MGAT4C: variants seen among roughly 807,000 people sequenced by gnomAD.
MGAT4C encodes alpha-1,3-mannosyl-glycoprotein 4-beta-N-acetylglucosaminyltransferase C.
MGAT4C carries 19 observed loss-of-function variants against 40.1 expected under a neutral mutation model. That is an observed-to-expected ratio of 0.47 (90% CI 0.33 to 0.70). The LOEUF is 0.70. MGAT4C is among the 30% of genes least tolerant of loss of function. The pLI, the probability that MGAT4C is intolerant of heterozygous loss-of-function variation, is 0.02. For synonymous variants in MGAT4C, 181 were observed against 187.1 expected (o/e 0.97, Z 0.27); for missense variants, 491 against 563.2 (o/e 0.87, Z 1.30).
chr12:86,731,594 C>T (rs1250529002), intron 1 of MGAT4C, among the ~76,000 whole-genome samples: 1 of 151,626 alleles, frequency 6.6e-6, no homozygotes, highest in Non-Finnish European at 1.5e-5. Context: ...TTATGTTATT[C>T]TGTTCCCATA....
intron 2 of MGAT4C, among the ~76,000 whole-genome samples, chr12:86,642,077 A>G: frequency 6.6e-6 from 1 of 151,758 alleles, no homozygotes; most frequent in African/African-American, 2.4e-5. Context: ...ACAAATAGAA[A>G]GAGAGTGTGT....
chr12:86,442,456 T>C (rs1478161276), intron 2 of MGAT4C, among the ~76,000 whole-genome samples: 4 of 152,222 alleles, frequency 2.6e-5, no homozygotes, highest in African/African-American at 9.7e-5. Context: ...TAAGTTTTTT[T>C]CTAGGGTTTT....
Position 85,970,278 on chromosome 12 carries a change from T to C in MGAT4C, c.*9011A>G, listed in dbSNP as rs967286990. On this transcript the variant is annotated 3_prime_UTR_variant, in exon 5 of 5. Coordinates refer to ENST00000611864, the MANE Select transcript of MGAT4C (RefSeq NM_001351288.2). Reference sequence around the variant, plus strand: ...TATAAATAATATTGAATTATTTATATTCTTATTTAGTCTAGTAGATTGACA... The same window carrying C: ...TATAAATAATATTGAATTATTTATACTCTTATTTAGTCTAGTAGATTGACA... 25 of 151,362 alleles carry C rather than the reference T, an allele frequency of 1.7e-4. No individual in the cohort carries two copies. Among genetic ancestry groups the C allele is most frequent in the African/African-American group, 6.0e-4 (25 of 41,380 alleles). 9.4% of individuals were successfully genotyped at this position (151,362 alleles called of 1,614,324 possible).
At chr12:86,599,442 C>T (rs1961676892) in intron 2 of MGAT4C, 1 of 152,100 alleles carries the variant, frequency 6.6e-6, no homozygotes, top group Admixed American at 6.6e-5. Flanking sequence ...CAAGATAACA[C>T]AACCCAAATA....
chr12:86,081,092 T>C (rs893054236), intron 1 of MGAT4C, among the ~76,000 whole-genome samples: 2 of 152,144 alleles, frequency 1.3e-5, no homozygotes, highest in African/African-American at 4.8e-5. Context: ...CCAGAGGAAG[T>C]ATGCATTTTA....
At chr12:86,697,081 G>T (rs951611654) in intron 2 of MGAT4C, among the ~76,000 whole-genome samples, 11 of 152,004 alleles carry the variant, frequency 7.2e-5, no homozygotes, top group African/African-American at 2.7e-4. Flanking sequence ...ATCTGATAAG[G>T]AATATTTCCT....
chr12:86,375,255 TG>T (rs955400940), intron 3 of MGAT4C, among the ~76,000 whole-genome samples: 1 of 152,182 alleles, frequency 6.6e-6, no homozygotes, highest in Admixed American at 6.6e-5. Flanking sequence ...CTCAAGGTTT[TG>T]TATTTACCAC....
At chr12:86,726,572 A>C (rs769277774) in intron 2 of MGAT4C, among the ~76,000 whole-genome samples, 1 of 152,180 alleles carries the variant, frequency 6.6e-6, no homozygotes, top group Non-Finnish European at 1.5e-5. Flanking sequence ...CATACGTTCT[A>C]GTAACACAAC....
At chr12:86,283,489 C>T (rs1197555448) in intron 4 of MGAT4C, among the ~76,000 whole-genome samples, 1 of 151,788 alleles carries the variant, frequency 6.6e-6, no homozygotes, top group Non-Finnish European at 1.5e-5. Context: ...TAAGACAGGA[C>T]ATAAGAGAAG....
At chr12:86,292,492 G>C (rs149086974) in intron 4 of MGAT4C, among the ~76,000 whole-genome samples, 4 of 151,482 alleles carry the variant, frequency 2.6e-5, no homozygotes, top group African/African-American at 9.7e-5. Flanking sequence ...GGAAAACACT[G>C]ATTTTCAGCA....
intron 2 of MGAT4C, among the ~76,000 whole-genome samples, chr12:86,587,031 C>A (rs1405770119): frequency 1.3e-5 from 2 of 151,984 alleles, no homozygotes; most frequent in African/African-American, 4.8e-5. Flanking sequence ...CTTGTCCATG[C>A]CTATGTCCTG....
chr12:86,205,215 T>C (rs915437497), intron 1 of MGAT4C, among the ~76,000 whole-genome samples: 5 of 151,878 alleles, frequency 3.3e-5, no homozygotes, highest in Admixed American at 6.6e-5. Context: ...TTATGAAATC[T>C]TGAGATAGTA....
At chr12:86,290,002 G>A (rs1328987775) in intron 4 of MGAT4C, among the ~76,000 whole-genome samples, 1 of 151,670 alleles carries the variant, frequency 6.6e-6, no homozygotes, top group Non-Finnish European at 1.5e-5. Context: ...AGGTCATACT[G>A]AAAAGACAAT....
At chr12:86,055,632 CA>C (rs925766155) in intron 1 of MGAT4C, among the ~76,000 whole-genome samples, 1 of 151,838 alleles carries the variant, frequency 6.6e-6, no homozygotes, top group African/African-American at 2.4e-5. Flanking sequence ...ATGTGATTTC[CA>C]TGTATGCAAA....
At chr12:86,618,193 G>A (rs1962518324) in intron 2 of MGAT4C, among the ~76,000 whole-genome samples, 1 of 147,506 alleles carries the variant, frequency 6.8e-6, no homozygotes, top group African/African-American at 2.7e-5. Context: ...TGGTGGCAAA[G>A]ATGAAAAGAA....
chr12:86,250,329 CTGAGAGAGAG>C (rs1276719566), intron 1 of MGAT4C, among the ~76,000 whole-genome samples: 17 of 75,222 alleles, frequency 2.3e-4, no homozygotes, highest in African/African-American at 8.7e-4. Context: ...CACACACACA[CTGAGAGAGAG>C]AGAGAGAGAG....
intron 3 of MGAT4C, among the ~76,000 whole-genome samples, chr12:86,417,340 T>A (rs1405883301): frequency 2.0e-5 from 3 of 152,100 alleles, no homozygotes; most frequent in African/African-American, 7.2e-5. Context: ...GCTTAAATTT[T>A]CAATAATCTT....
intron 3 of MGAT4C, among the ~76,000 whole-genome samples, chr12:86,406,469 G>A (rs933503769): frequency 3.3e-5 from 5 of 152,038 alleles, no homozygotes; most frequent in Admixed American, 6.6e-5. Context: ...TATGCAAATC[G>A]CAAGTAAGCA....
intron 1 of MGAT4C, among the ~76,000 whole-genome samples, chr12:86,176,378 C>G (rs1887434028): frequency 6.6e-6 from 1 of 152,166 alleles, no homozygotes; most frequent in South Asian, 2.1e-4. Context: ...TGTACACCTT[C>G]CCAAACTCTT....
Sources: allele counts gnomAD v4.1 joint callset (sites outside exome capture counted in the v4.1 genomes callset), GRCh38; gene constraint gnomAD v4.1.1; transcripts MANE v1.5; gene names NCBI Gene and HGNC (gene_info 2026-07-23, HGNC 2026-07-21).